NCKAP5: variants seen among roughly 807,000 people sequenced by gnomAD.
The protein encoded by NCKAP5 is nck-associated protein 5.
Under a neutral mutation model 167.0 loss-of-function variants are expected in NCKAP5, and 92 were observed. The ratio of observed to expected loss-of-function variants is 0.55; its 90% CI spans 0.47 to 0.66. The LOEUF is 0.66. Ranked by LOEUF, NCKAP5 falls within the 30% of genes least tolerant of loss-of-function variation. NCKAP5 has a pLI of 0.00. For missense variants in NCKAP5, 2,378 were observed against 2,315.0 expected (o/e 1.03, Z -0.56); for synonymous variants, 891 against 877.4 (o/e 1.02, Z -0.27).
the NCKAP5 span, among the ~76,000 whole-genome samples, chr2:133,658,146 C>A: frequency 7.4e-6 from 1 of 135,296 alleles, no homozygotes; most frequent in South Asian, 2.7e-4. Context: ...TTGAAGGGTG[C>A]GAACACATCC....
At chr2:132,799,358 C>T (rs1293461192) in intron 11 of NCKAP5, among the ~76,000 whole-genome samples, 1 of 151,866 alleles carries the variant, frequency 6.6e-6, no homozygotes, top group Non-Finnish European at 1.5e-5. Context: ...TGCGATATAC[C>T]CACGGAACAA....
intron 6 of NCKAP5, among the ~76,000 whole-genome samples, chr2:133,128,596 C>A (rs1190571493): frequency 6.7e-6 from 1 of 149,346 alleles, no homozygotes; most frequent in Non-Finnish European, 1.5e-5. Context: ...CTCTCTCTCT[C>A]TCTTTTTTTT....
rs560687477 is a variant in NCKAP5, at chr2:132,820,414, G to A, written c.808-23685C>T. On this transcript the variant is annotated intron_variant, in intron 11 of 19. Coordinates refer to ENST00000409261, the MANE Select transcript of NCKAP5 (RefSeq NM_207363.3). ...CCAGCTAATTTTTGTATTTTTAGTA[G>A]AGACGGGGTTTCATTGTGTTAGCCA... 8.5e-5 allele frequency among the ~76,000 whole-genome samples: 13 copies of A among 152,076 alleles called. No homozygotes were observed. The East Asian group carries it at 2.5e-3, about 29-fold the overall frequency.
intron 3 of NCKAP5, among the ~76,000 whole-genome samples, chr2:133,465,989 G>A (rs1043142365): frequency 9.2e-5 from 14 of 151,772 alleles, no homozygotes; most frequent in African/African-American, 3.4e-4. Flanking sequence ...AGTTTCTTTT[G>A]CTGTGCAGAA....
At chr2:132,860,051 T>TAG (rs1224445160) in intron 11 of NCKAP5, among the ~76,000 whole-genome samples, 14 of 152,142 alleles carry the variant, frequency 9.2e-5, no homozygotes, top group Non-Finnish European at 1.9e-4. Flanking sequence ...GAACTCTGCA[T>TAG]AGAGAGAGAT....
At chr2:133,178,829 CAAAA>C (rs66552853) in intron 5 of NCKAP5, among the ~76,000 whole-genome samples, 7 of 58,826 alleles carry the variant, frequency 1.2e-4, no homozygotes, top group Non-Finnish European at 1.8e-4. Flanking sequence ...GACTCCGTCT[CAAAA>C]AAAAAAAAAA....
chr2:133,253,780 G>T (rs939173192), intron 4 of NCKAP5, among the ~76,000 whole-genome samples: 1 of 152,184 alleles, frequency 6.6e-6, no homozygotes, highest in African/African-American at 2.4e-5. Flanking sequence ...ATGTAAAAGT[G>T]CTTTAAAATT....
the NCKAP5 span, among the ~76,000 whole-genome samples, chr2:133,646,157 A>G: frequency 6.6e-6 from 1 of 152,146 alleles, no homozygotes; most frequent in Non-Finnish European, 1.5e-5. Flanking sequence ...AGATAGAAAT[A>G]CAAAGAAATA....
chr2:132,843,789 T>C (rs34570757), intron 11 of NCKAP5, among the ~76,000 whole-genome samples: 1 of 152,128 alleles, frequency 6.6e-6, no homozygotes, highest in South Asian at 2.1e-4. Context: ...TTAGTATTTT[T>C]ACTAATTTAA....
intron 15 of NCKAP5, among the ~76,000 whole-genome samples, chr2:132,778,398 T>G (rs1682732328): frequency 6.6e-6 from 1 of 152,156 alleles, no homozygotes; most frequent in Non-Finnish European, 1.5e-5. Context: ...AATATGCAGT[T>G]ACTAGTGAAC....
chr2:132,718,524 T>C (rs569862969), intron 19 of NCKAP5, among the ~76,000 whole-genome samples: 56 of 152,350 alleles, frequency 3.7e-4, no homozygotes, highest in Middle Eastern at 3.4e-3. Context: ...GATTCTGATA[T>C]GCCTGCAACA....
At chr2:132,792,401 A>C (rs954781580) in intron 12 of NCKAP5, among the ~76,000 whole-genome samples, 3 of 152,210 alleles carry the variant, frequency 2.0e-5, no homozygotes, top group African/African-American at 7.2e-5. Context: ...GCCTACAACA[A>C]ATGGTTGTGT....
rs59520968 is a variant in NCKAP5 at position 132,982,108 on chromosome 2, G to C, written c.429+12044C>G. Among the ~76,000 whole-genome samples, 35 of 152,352 alleles carry C rather than the reference G, an allele frequency of 2.3e-4. No individual in the cohort carries two copies. In the East Asian group the frequency reaches 6.7e-3, roughly 29 times the overall value. On this transcript the variant is annotated intron_variant, in intron 7 of 19. Transcript: ENST00000409261. ...TGAGGCAGGAAGAATTTGGCTATGTGAAGGGGAAGAACAGTTAAGTAGATG... is the reference window on the plus strand; with the variant it reads ...TGAGGCAGGAAGAATTTGGCTATGTCAAGGGGAAGAACAGTTAAGTAGATG...
At chr2:132,787,910 G>A (rs1683721439) in intron 13 of NCKAP5, among the ~76,000 whole-genome samples, 1 of 152,146 alleles carries the variant, frequency 6.6e-6, no homozygotes, top group South Asian at 2.1e-4. Flanking sequence ...TGACCCCCAA[G>A]AAGACATGCT....
chr2:133,317,991 G>T (rs72846332), intron 3 of NCKAP5, among the ~76,000 whole-genome samples: 1 of 152,148 alleles, frequency 6.6e-6, no homozygotes, highest in Non-Finnish European at 1.5e-5. Flanking sequence ...CCTCTTTCTC[G>T]TTTGCTATCT....
intron 5 of NCKAP5, among the ~76,000 whole-genome samples, chr2:133,141,231 T>C (rs550719787): frequency 6.6e-6 from 1 of 152,280 alleles, no homozygotes; most frequent in South Asian, 2.1e-4. Context: ...CCCAACTTCA[T>C]ATTCACATCT....
chr2:133,266,931 C>A (rs2089264022), intron 4 of NCKAP5, among the ~76,000 whole-genome samples: 1 of 152,140 alleles, frequency 6.6e-6, no homozygotes, highest in Non-Finnish European at 1.5e-5. Context: ...CGATTCCCAC[C>A]CCCTACCCAC....
At chr2:133,345,324 C>A (rs1365875421) in intron 3 of NCKAP5, among the ~76,000 whole-genome samples, 1 of 151,768 alleles carries the variant, frequency 6.6e-6, no homozygotes, top group Non-Finnish European at 1.5e-5. Context: ...GCGTTTTTGA[C>A]ATTAAAGTTT....
intron 2 of NCKAP5, among the ~76,000 whole-genome samples, chr2:133,533,187 C>T (rs557710791): frequency 7.9e-5 from 12 of 152,310 alleles, no homozygotes; most frequent in South Asian, 4.1e-4. Context: ...TGCGTGAAGC[C>T]GCCCCTGGGA....
Sources: allele counts gnomAD v4.1 joint callset (sites outside exome capture counted in the v4.1 genomes callset), GRCh38; gene constraint gnomAD v4.1.1; transcripts MANE v1.5; gene names NCBI Gene and HGNC (gene_info 2026-07-23, HGNC 2026-07-21).